The following GSPT1 variants were observed in gnomAD, a reference collection of about 807,000 sequenced individuals.
GSPT1 encodes the protein G1 to S phase transition 1, also known as eukaryotic peptide chain release factor GTP-binding subunit ERF3A.
In GSPT1, 20 loss-of-function variants were observed where a neutral mutation model predicts 72.5. That is an observed-to-expected ratio of 0.28 (90% confidence interval 0.19 to 0.40). GSPT1 has a LOEUF of 0.40. Among genes scored for constraint, GSPT1 ranks in the 10% least tolerant of loss-of-function variants. The probability of loss-of-function intolerance (pLI) is 1.00; values close to 1 mark genes in which losing one functional copy is unlikely to be tolerated. For synonymous variants in GSPT1, 334 were observed against 293.5 expected, an observed-to-expected ratio of 1.14 and a Z score of -1.41; for missense variants, 580 against 811.9, an observed-to-expected ratio of 0.71 and a Z score of 3.47.
At chr16:11,896,134 C>A (rs1253465665) in intron 4 of GSPT1, among the ~76,000 whole-genome samples, 1 of 152,182 alleles carries the variant, frequency 6.6e-6, no homozygotes, top group Non-Finnish European at 1.5e-5. Context: ...AGCAACCTGG[C>A]AAGCATCCAG....
intron 6 of GSPT1, among the ~76,000 whole-genome samples, chr16:11,888,820 G>C (rs1342394403): frequency 6.6e-6 from 1 of 152,058 alleles, no homozygotes; most frequent in East Asian, 1.9e-4. Flanking sequence ...CAAACCCTTA[G>C]AGCTTTTATA....
chr16:11,910,666 C>T (rs1363907489), intron 1 of GSPT1, among the ~76,000 whole-genome samples: 1 of 152,170 alleles, frequency 6.6e-6, no homozygotes, highest in Non-Finnish European at 1.5e-5. Flanking sequence ...CCAAAGCAAG[C>T]AAATCAAGGC....
chr16:11,896,030 G>T (rs1251523455), intron 4 of GSPT1, among the ~76,000 whole-genome samples: 6 of 152,192 alleles, frequency 3.9e-5, no homozygotes, highest in Non-Finnish European at 8.8e-5. Context: ...ACATAATTCT[G>T]TATTTTTTTT....
intron 3 of GSPT1, 142 bp from the exon 4 acceptor site, chr16:11,896,927 C>A: frequency 1.6e-6 from 1 of 635,928 alleles, no homozygotes; most frequent in South Asian, 2.0e-5. Context: ...GCAGGAAAAC[C>A]TCTTTCATAG....
At chr16:11,897,811 T>A (rs751896503) in intron 3 of GSPT1, 29 bp downstream of exon 3, 7 of 1,173,032 alleles carry the variant, frequency 6.0e-6, no homozygotes, top group Non-Finnish European at 6.2e-6. Flanking sequence ...TTCATATTAC[T>A]GTATTAATAT....
chr16:11,896,451 AT>A (rs1198634640), intron 4 of GSPT1, 106 bp downstream of exon 4: 1 of 727,700 alleles, frequency 1.4e-6, no homozygotes, highest in African/African-American at 1.8e-5. Flanking sequence ...AAATCAAGAC[AT>A]TTTCAATTAA....
At chr16:11,879,774 A>T (rs1407010499) in intron 11 of GSPT1, among the ~76,000 whole-genome samples, 1 of 152,110 alleles carries the variant, frequency 6.6e-6, no homozygotes, top group Non-Finnish European at 1.5e-5. Context: ...AAAACAAAAA[A>T]CAATCTGTAT....
At chr16:11,900,684 T>C (rs1181268259) in intron 1 of GSPT1, among the ~76,000 whole-genome samples, 1 of 152,188 alleles carries the variant, frequency 6.6e-6, no homozygotes, top group Non-Finnish European at 1.5e-5. Flanking sequence ...CACACAGTTA[T>C]GATGTACTGC....
At chr16:11,907,871 T>C (rs542211698) in intron 1 of GSPT1, among the ~76,000 whole-genome samples, 6 of 152,344 alleles carry the variant, frequency 3.9e-5, no homozygotes, top group South Asian at 4.1e-4. Flanking sequence ...AGACTTTGCA[T>C]AGAGTAACTA....
chr16:11,875,680 G>T, intron 14 of GSPT1, 81 bp downstream of exon 14: 1 of 946,108 alleles, frequency 1.1e-6, no homozygotes, highest in Non-Finnish European at 1.6e-6. Context: ...CTGTTGCAAT[G>T]TGTACTGTAC....
chr16:11,913,485 A>C (rs910925884), intron 1 of GSPT1, among the ~76,000 whole-genome samples: 14 of 152,234 alleles, frequency 9.2e-5, no homozygotes, highest in Non-Finnish European at 1.5e-4. Flanking sequence ...GTGTAACTAC[A>C]AATTAGCAAC....
Position 11,891,158 on chromosome 16 carries a change from A to G in GSPT1, c.699-19T>C, listed in dbSNP as rs2054253432. ...CAAATACCTGAAAACATTTAAAGAA[A>G]AAAAAAAGTAAACAATTACTCACAA... On this transcript the variant is annotated intron_variant, in intron 5 of 14. Coordinates refer to ENST00000434724, the MANE Select transcript of GSPT1 (RefSeq NM_002094.4). 1.6e-6 allele frequency: 2 copies of G among 1,282,710 alleles called. No individual in the cohort carries two copies. The highest frequency in any genetic ancestry group is 2.1e-6 in the Non-Finnish European group (2 of 932,102). The allele number at this position is 1,282,710 out of a possible 1,614,324, so 79.5% of individuals were successfully genotyped here.
chr16:11,895,959 A>G (rs1411046596), intron 4 of GSPT1, among the ~76,000 whole-genome samples: 1 of 152,212 alleles, frequency 6.6e-6, no homozygotes, highest in Non-Finnish European at 1.5e-5. Flanking sequence ...TCTTGCTACT[A>G]AAAGAAGGGG....
rs2054065659 is a variant in GSPT1 at position 11,877,699 on chromosome 16, T to C, written c.1429-119A>G. The stretch of plus-strand genomic sequence containing the variant: ...TGCAAGATTTGACTGTAAACACTTA[T>C]GTTTGTATGACATAAAATCTTAGCC... On this transcript the variant is annotated intron_variant, in intron 11 of 14. Transcript: ENST00000434724. This position sits in a 1 kb window ranked among gnomAD's most constrained non-coding sequence, Gnocchi z 4.0. 1 of 618,742 alleles carries C rather than the reference T, an allele frequency of 1.6e-6. No homozygotes were observed. Among genetic ancestry groups the C allele is most frequent in the South Asian group, 2.3e-5 (1 of 43,120 alleles). 38.3% of individuals were successfully genotyped at this position (618,742 alleles called of 1,614,324 possible).
At chr16:11,916,001 C>G (rs2054633701), upstream of GSPT1, 1 of 684,298 alleles carries the variant, frequency 1.5e-6, no homozygotes, top group East Asian at 3.0e-5. Flanking sequence ...CACAGCCAAC[C>G]CCACCCCCGG....
In GSPT1 at chr16:11,902,589, CTT is replaced by C. The variant is rs138731095; in HGVS notation, c.353-4556_353-4555del. ...TACACATGATAAACTGGAACTGGAT[CTT>C]TTTTTTTTTTTTAAGAGATGGAGTC... On this transcript the variant is annotated intron_variant, in intron 1 of 14. Coordinates refer to ENST00000434724, the MANE Select transcript of GSPT1 (RefSeq NM_002094.4). 9.4e-3 allele frequency among the ~76,000 whole-genome samples: 1,352 copies of C among 144,568 alleles called. 18 individuals carry two copies. The highest frequency in any genetic ancestry group is 0.025 in the South Asian group (113 of 4,566). The allele number at this position is 144,568 out of a possible 152,430, so 94.8% of individuals were successfully genotyped here.
intron 1 of GSPT1, among the ~76,000 whole-genome samples, chr16:11,902,364 A>G (rs1037019013): frequency 7.0e-6 from 1 of 142,798 alleles, no homozygotes; most frequent in African/African-American, 2.7e-5. Context: ...CCTGGGTGAC[A>G]CGACTCTGTC....
In GSPT1 at chr16:11,915,938, C is replaced by A. The variant is rs752106165; in HGVS notation, c.-218G>T. On this transcript the variant is annotated 5_prime_UTR_variant, in exon 1 of 15. Transcript: ENST00000434724. ...GCGGCGGCGGCGGCAGCTCAACCCT[C>A]CTCCTCGTGTGTGTGAGCGGATCTC... is the stretch of plus-strand genomic sequence containing the variant. 1 of 751,462 alleles carries A rather than the reference C, an allele frequency of 1.3e-6. No individual in the cohort carries two copies. Among genetic ancestry groups the A allele is most frequent in the Non-Finnish European group, 2.4e-6 (1 of 414,918 alleles). The allele number at this position is 751,462 out of a possible 1,614,324, so 46.5% of individuals were successfully genotyped here.
intron 5 of GSPT1, among the ~76,000 whole-genome samples, 178 bp downstream of exon 5, chr16:11,894,776 C>T (rs2054313666): frequency 6.6e-6 from 1 of 152,194 alleles, no homozygotes; most frequent in South Asian, 2.1e-4. Flanking sequence ...AGGTGTGTTC[C>T]ACCACACCAG....
Sources: gnomAD v4.1 joint callset for allele counts (sites outside exome capture counted in the v4.1 genomes callset) on GRCh38, gnomAD v4.1.1 for gene constraint, Gnocchi (gnomAD v3.1) non-coding constraint, MANE v1.5 for transcripts, NCBI Gene and HGNC (gene_info 2026-07-23, HGNC 2026-07-21) for gene names.